Variants in NLRP2 observed in about 807,000 individuals in gnomAD.
NLRP2 encodes the protein NACHT, LRR and PYD domains-containing protein 2.
In NLRP2, 107 loss-of-function variants were observed where a neutral mutation model predicts 97.2. The observed-to-expected ratio is 1.10, with a 90% confidence interval of 0.94 to 1.29. The LOEUF is 1.29. Ranked by LOEUF, NLRP2 falls within the 50% of genes most tolerant of loss-of-function variation. The probability of loss-of-function intolerance (pLI) is 0.00; values close to 1 mark genes in which losing one functional copy is unlikely to be tolerated. For missense variants in NLRP2, 1,495 were observed against 1,330.3 expected, an observed-to-expected ratio of 1.12 and a Z score of -1.93; for synonymous variants, 663 against 551.5, an observed-to-expected ratio of 1.20 and a Z score of -2.83.
chr19:54,985,628 A>C (rs576500875), intron 7 of NLRP2, among the ~76,000 whole-genome samples: 1 of 148,734 alleles, frequency 6.7e-6, no homozygotes, highest in South Asian at 2.2e-4. Flanking sequence ...CAGTGAACCA[A>C]GATCCTGCCA....
intron 1 of NLRP2, 84 bp from the exon 2 acceptor site, chr19:54,969,915 G>C (rs2070733181): frequency 7.3e-7 from 1 of 1,374,566 alleles, no homozygotes; most frequent in Non-Finnish European, 1.0e-6. Context: ...GAGTGTCCTT[G>C]TTCGTGGCAC....
chr19:54,988,917 C>T (rs1333010984), intron 8 of NLRP2, among the ~76,000 whole-genome samples: 5 of 152,000 alleles, frequency 3.3e-5, no homozygotes. Flanking sequence ...TGCCTGTAAT[C>T]CCAGTACTTT....
At chr19:54,990,459 G>T in intron 9 of NLRP2, 43 bp from the exon 10 acceptor site, 3 of 1,604,364 alleles carry the variant, frequency 1.9e-6, no homozygotes, top group Admixed American at 3.3e-5. Context: ...GAAGGTTGAA[G>T]TTGGACCTGT....
intron 3 of NLRP2, 150 bp downstream of exon 3, chr19:54,974,694 C>G: frequency 4.5e-6 from 3 of 671,278 alleles, no homozygotes; most frequent in South Asian, 3.4e-5. Flanking sequence ...CTCGCAGGTG[C>G]GTAGCAGTAA....
At chr19:54,994,471 C>T (rs2072694127) in intron 11 of NLRP2, 32 bp downstream of exon 11, 15 of 1,605,100 alleles carry the variant, frequency 9.3e-6, no homozygotes, top group Non-Finnish European at 1.3e-5. Context: ...ACTTCCTATA[C>T]TTACACCTTA....
intron 3 of NLRP2, 103 bp downstream of exon 3, chr19:54,974,647 CCGG>C (rs2071082614): frequency 1.1e-6 from 1 of 875,846 alleles, no homozygotes; most frequent in African/African-American, 1.7e-5. Context: ...CAAAGAAATG[CCGG>C]ACTTAGCATC....
intron 3 of NLRP2, among the ~76,000 whole-genome samples, chr19:54,975,088 A>G (rs1339605994): frequency 2.4e-5 from 3 of 126,640 alleles, no homozygotes; most frequent in Non-Finnish European, 3.3e-5. Context: ...GGCATGAGCC[A>G]CCACCACACC....
chr19:54,989,754 TG>T, intron 8 of NLRP2: 1 of 551,876 alleles, frequency 1.8e-6, no homozygotes, highest in East Asian at 3.2e-5. Context: ...GAGGCCGAGG[TG>T]GGCAGATCAC....
intron 11 of NLRP2, among the ~76,000 whole-genome samples, chr19:54,996,410 C>T (rs529921087): frequency 2.6e-5 from 4 of 151,960 alleles, no homozygotes; most frequent in East Asian, 1.9e-4. Context: ...CTTGGAGGCA[C>T]GAGAACTGCT....
Position 54,985,043 on chromosome 19 carries a change from A to G in NLRP2, c.2031-4A>G, listed in dbSNP as rs199904431. ...GGTGTAACCCTTTCTTCTCTTCCCT[A>G]TAGATCCCAGGATGATCAGCACATG... On this transcript the variant is annotated splice_region_variant and splice_polypyrimidine_tract_variant and intron_variant, in intron 6 of 12. Coordinates refer to ENST00000448584, the MANE Select transcript of NLRP2 (RefSeq NM_017852.5). 6.8e-6 allele frequency: 11 copies of G among 1,613,946 alleles called. No individual in the cohort carries two copies. The East Asian group carries it at 8.9e-5, about 13-fold the overall frequency.
At chr19:54,990,875 T>A (rs2072431830) in intron 10 of NLRP2, 2 of 620,134 alleles carry the variant, frequency 3.2e-6, no homozygotes, top group Non-Finnish European at 5.7e-6. Flanking sequence ...TCTATAGGGA[T>A]TTGGGGAATG....
chr19:54,994,552 A>G lies in NLRP2; in HGVS notation c.2879+113A>G. 3 of 1,083,660 alleles carry G rather than the reference A, an allele frequency of 2.8e-6. No homozygotes were observed. In the East Asian group the frequency reaches 7.2e-5, roughly 26 times the overall value. 67.1% of individuals were successfully genotyped at this position (1,083,660 alleles called of 1,614,324 possible). On this transcript the variant is annotated intron_variant, in intron 11 of 12. Transcript: ENST00000448584. Reference sequence around the variant, plus strand: ...AAGTTATATAATTGAGAGGACCTTTATAGAGTCGATCGAGCATTTACTAGG... The same window carrying G: ...AAGTTATATAATTGAGAGGACCTTTGTAGAGTCGATCGAGCATTTACTAGG...
chr19:54,978,000 C>T (rs576941966), intron 4 of NLRP2, among the ~76,000 whole-genome samples, 177 bp downstream of exon 4: 2 of 152,104 alleles, frequency 1.3e-5, no homozygotes, highest in Admixed American at 6.6e-5. Flanking sequence ...GAGGGAAGAA[C>T]GAACGTTGCA....
chr19:54,969,268 G>A (rs1469581277), intron 1 of NLRP2, among the ~76,000 whole-genome samples: 1 of 151,686 alleles, frequency 6.6e-6, no homozygotes, highest in Non-Finnish European at 1.5e-5. Context: ...GAGGTCAGGA[G>A]TTCGAGACCA....
intron 11 of NLRP2, 79 bp downstream of exon 11, chr19:54,994,518 C>T (rs188370894): frequency 1.2e-5 from 17 of 1,466,198 alleles, no homozygotes; most frequent in Admixed American, 6.7e-5. Flanking sequence ...TCAGTGAAGC[C>T]GACTTCCCAA....
At chr19:54,986,592 C>T (rs186581032) in intron 8 of NLRP2, among the ~76,000 whole-genome samples, 171 of 151,380 alleles carry the variant, frequency 1.1e-3, no homozygotes, top group African/African-American at 3.9e-3. Context: ...GCTCTGTTGC[C>T]CAGGCCAAAG....
rs149127220 is a variant in NLRP2, at chr19:54,985,971, C to T, written c.2202-180C>T. Among the ~76,000 whole-genome samples the T allele has an allele frequency of 3.9e-3, 591 of 152,106 alleles. 3 individuals carry two copies. The highest frequency in any genetic ancestry group is 7.1e-3 in the Non-Finnish European group (482 of 68,008). On this transcript the variant is annotated intron_variant, in intron 7 of 12. Coordinates refer to ENST00000448584, the MANE Select transcript of NLRP2 (RefSeq NM_017852.5). Reference sequence around the variant, plus strand: ...GAGCCGAGATCGCGCCACTGCACTCCAGCCTGGGCAACAGAGTGAGACTCC... The same window carrying T: ...GAGCCGAGATCGCGCCACTGCACTCTAGCCTGGGCAACAGAGTGAGACTCC...
At chr19:54,991,091 G>A in intron 10 of NLRP2, 1 of 198,176 alleles carries the variant, frequency 5.0e-6, no homozygotes, top group Non-Finnish European at 1.0e-5. Context: ...AACTATAACT[G>A]TAACATAAAT....
At chr19:54,979,657 G>C (rs543332684) in intron 4 of NLRP2, among the ~76,000 whole-genome samples, 2 of 151,726 alleles carry the variant, frequency 1.3e-5, no homozygotes, top group East Asian at 3.9e-4. Flanking sequence ...AGCCCACATT[G>C]ACTTTTGATA....
Sources: allele counts gnomAD v4.1 joint callset (sites outside exome capture counted in the v4.1 genomes callset), GRCh38; gene constraint gnomAD v4.1.1; transcripts MANE v1.5; gene names NCBI Gene and HGNC (gene_info 2026-07-23, HGNC 2026-07-21).